Variants in ATL1 observed in about 807,000 individuals in gnomAD.
ATL1 encodes atlastin GTPase 1.
In ATL1, 31 loss-of-function variants were observed where a neutral mutation model predicts 75.5. The observed-to-expected ratio is 0.41, with a 90% CI of 0.31 to 0.55. ATL1 has a LOEUF of 0.55. ATL1 is among the 20% of genes least tolerant of loss of function. ATL1 has a pLI of 0.27. For missense variants in ATL1, 405 were observed against 662.6 expected (o/e 0.61, Z 4.27); for synonymous variants, 226 against 233.3 (o/e 0.97, Z 0.28).
At position 50,591,036 on chromosome 14, in the gene ATL1, G is replaced by T; in HGVS notation, c.378G>T (p.Trp126Cys). 6.2e-7 allele frequency: 1 copy of T among 1,613,648 alleles called. No homozygotes were observed. Among genetic ancestry groups the T allele is most frequent in the Non-Finnish European group, 8.5e-7 (1 of 1,179,796 alleles). The change falls in exon 3 of 14, where the codon TGG (tryptophan) becomes TGT (cysteine). Residue 126 changes from tryptophan to cysteine, a missense_variant. Trp to Cys is a radical substitution (Grantham distance 215). Coordinates refer to ENST00000358385, the MANE Select transcript of ATL1 (RefSeq NM_015915.5). ...GAGAGACCACAGGAATTCAGATATG[G>T]AGTGAAATCTTCCTTATCAATAAAC... ...SERETTGIQI[W>C]SEIFLINKPD...
At chr14:50,591,929 A>C (rs930725587) in intron 4 of ATL1, 2 of 341,008 alleles carry the variant, frequency 5.9e-6, no homozygotes, top group South Asian at 6.7e-5. Flanking sequence ...ACTCAGTAAC[A>C]TAAATCTTAT....
chr14:50,619,156 G>C (rs1020586382), intron 8 of ATL1, among the ~76,000 whole-genome samples: 1 of 152,118 alleles, frequency 6.6e-6, no homozygotes, highest in Non-Finnish European at 1.5e-5. Context: ...GGGTTCAAGC[G>C]ATTCCCCTGC....
intron 8 of ATL1, among the ~76,000 whole-genome samples, chr14:50,618,877 G>A (rs1241190892): frequency 2.2e-4 from 30 of 133,348 alleles, no homozygotes; most frequent in African/African-American, 6.3e-4. Flanking sequence ...GTGTGTGTGT[G>A]TATATATATA....
At chr14:50,603,285 C>T (rs3015452) in intron 6 of ATL1, among the ~76,000 whole-genome samples, 93,903 of 152,090 alleles carry the variant, frequency 0.62, 30,302 homozygotes, top group African/African-American at 0.81. Flanking sequence ...TTTTCACCTA[C>T]AGCATGTTTA....
intron 6 of ATL1, among the ~76,000 whole-genome samples, chr14:50,605,916 CT>C (rs1434303075): frequency 1.3e-5 from 2 of 152,050 alleles, no homozygotes; most frequent in East Asian, 1.9e-4. Context: ...TTAAATTCAA[CT>C]TCTGTAGAAT....
chr14:50,533,112 C>T (rs145962477), exon 1 of ATL1: 1,626 of 152,556 alleles, frequency 0.011, 31 homozygotes, highest in African/African-American at 0.037. Context: ...ACCTGCACAA[C>T]CTGCCTTCTA....
chr14:50,615,026 T>G (rs1289679918), intron 8 of ATL1, among the ~76,000 whole-genome samples: 1 of 152,190 alleles, frequency 6.6e-6, no homozygotes, highest in Non-Finnish European at 1.5e-5. Context: ...AGAGTGTTTT[T>G]CAAATAGTGT....
chr14:50,605,152 G>A (rs2039305358), intron 6 of ATL1, among the ~76,000 whole-genome samples: 3 of 151,844 alleles, frequency 2.0e-5, no homozygotes. Context: ...CCATATCCTT[G>A]GAGAGTTTGT....
upstream of ATL1, among the ~76,000 whole-genome samples, chr14:50,556,406 T>TG (rs2038766031): frequency 1.3e-5 from 2 of 151,798 alleles, no homozygotes; most frequent in African/African-American, 4.8e-5. Context: ...TTTATAGAGA[T>TG]GGGGTCTTTG....
At position 50,614,638 on chromosome 14, in the gene ATL1, CAGG is replaced by C. The variant is rs138359778; in HGVS notation, c.862+130_862+132del. ...TAGGAGGCTGATGATTAGAAATTGT[CAGG>C]AGAATAGGGCATCCTGGGCTGGTGC... On this transcript the variant is annotated intron_variant, in intron 8 of 13. Transcript: ENST00000358385. The C allele has an allele frequency of 1.8e-3, 2,079 of 1,132,562 alleles. 19 individuals carry two copies. The African/African-American group carries it at 0.027, about 15-fold the overall frequency. 70.2% of individuals were successfully genotyped at this position (1,132,562 alleles called of 1,614,324 possible). A position where few individuals can be genotyped will look rare whatever the true frequency, so the allele number is the denominator to read the frequency against.
chr14:50,621,655 A>C (rs972212166), intron 9 of ATL1, among the ~76,000 whole-genome samples, 188 bp from the exon 10 acceptor site: 5 of 152,216 alleles, frequency 3.3e-5, no homozygotes, highest in African/African-American at 1.2e-4. Flanking sequence ...ATGTTTGAAA[A>C]AGGCATTTCA....
intron 6 of ATL1, among the ~76,000 whole-genome samples, chr14:50,608,358 C>G (rs961235560): frequency 2.6e-5 from 4 of 152,006 alleles, no homozygotes; most frequent in Non-Finnish European, 5.9e-5. Context: ...TTCATGAGAA[C>G]CAATTATTAA....
chr14:50,630,105 A>C, intron 13 of ATL1, 96 bp downstream of exon 13: 1 of 831,154 alleles, frequency 1.2e-6, no homozygotes, highest in East Asian at 2.7e-5. Flanking sequence ...GTCTTTATGT[A>C]GATTAGAACA....
At chr14:50,600,409 T>A (rs1363458721) in intron 6 of ATL1, among the ~76,000 whole-genome samples, 1 of 152,206 alleles carries the variant, frequency 6.6e-6, no homozygotes, top group South Asian at 2.1e-4. Flanking sequence ...TTTGGACTTG[T>A]AACTCTTAAC....
intron 1 of ATL1, among the ~76,000 whole-genome samples, chr14:50,535,015 T>C (rs1049752666): frequency 2.0e-5 from 3 of 152,258 alleles, no homozygotes; most frequent in African/African-American, 7.2e-5. Context: ...CCCAGTTTCA[T>C]ATGACAAGGT....
chr14:50,588,299 A>G (rs1444603237), intron 2 of ATL1, among the ~76,000 whole-genome samples: 3 of 152,222 alleles, frequency 2.0e-5, no homozygotes. Context: ...TTCCCTTAGA[A>G]TATAACTTAT....
chr14:50,548,498 G>A (rs1216656758), intron 1 of ATL1, among the ~76,000 whole-genome samples: 1 of 152,128 alleles, frequency 6.6e-6, no homozygotes, highest in Non-Finnish European at 1.5e-5. Context: ...TAACTGTAGG[G>A]TTTTGGTCTC....
At chr14:50,533,501 G>C (rs1398528445) in intron 1 of ATL1, 1 of 152,170 alleles carries the variant, frequency 6.6e-6, no homozygotes, top group Non-Finnish European at 1.5e-5. Flanking sequence ...GTTCGGGGAA[G>C]TAATTTGGCT....
At chr14:50,628,549 C>T in intron 12 of ATL1, 87 bp downstream of exon 12, 2 of 1,374,122 alleles carry the variant, frequency 1.5e-6, no homozygotes, top group Non-Finnish European at 2.0e-6. Flanking sequence ...GTTGGAAATA[C>T]AGATCAACAG....
Sources: allele counts gnomAD v4.1 joint callset (sites outside exome capture counted in the v4.1 genomes callset), GRCh38; gene constraint gnomAD v4.1.1; transcripts MANE v1.5; gene names NCBI Gene and HGNC (gene_info 2026-07-23, HGNC 2026-07-21).